RUNX1T1: variants seen among roughly 807,000 people sequenced by gnomAD.
RUNX1T1 encodes protein CBFA2T1.
In RUNX1T1, 4 loss-of-function variants were observed where a neutral mutation model predicts 62.8. That is an observed-to-expected ratio of 0.06 (90% CI 0.03 to 0.15). RUNX1T1 has a LOEUF of 0.15. Among genes scored for constraint, RUNX1T1 ranks in the 10% least tolerant of loss-of-function variants. The pLI is 1.00. For synonymous variants in RUNX1T1, 291 were observed against 286.0 expected, an observed-to-expected ratio of 1.02 and a Z score of -0.18; for missense variants, 508 against 754.3, an observed-to-expected ratio of 0.67 and a Z score of 3.82.
chr8:92,052,218 T>G (rs1830351034), intron 1 of RUNX1T1, among the ~76,000 whole-genome samples: 1 of 152,218 alleles, frequency 6.6e-6, no homozygotes, highest in Non-Finnish European at 1.5e-5. Context: ...AGAAAATCTT[T>G]GTATATCCAA....
At chr8:92,035,085 A>G (rs1332663170) in intron 1 of RUNX1T1, among the ~76,000 whole-genome samples, 4 of 152,010 alleles carry the variant, frequency 2.6e-5, no homozygotes, top group Admixed American at 2.6e-4. Context: ...ACCTGAGGTC[A>G]GGAGTTCGAG....
chr8:91,959,486 GTGTATATATA>G (rs1809995673), exon 11 of RUNX1T1: 93 of 142,834 alleles, frequency 6.5e-4, no homozygotes, highest in South Asian at 8.9e-4. Flanking sequence ...GTGTGTGTGT[GTGTATATATA>G]TATATATATA....
chr8:92,035,844 A>G (rs1827313925), intron 1 of RUNX1T1, among the ~76,000 whole-genome samples: 1 of 152,170 alleles, frequency 6.6e-6, no homozygotes, highest in Admixed American at 6.5e-5. Context: ...ACAATGTAAA[A>G]GCAAGCATAC....
intron 5 of RUNX1T1, among the ~76,000 whole-genome samples, chr8:92,002,230 A>G (rs979834036): frequency 6.6e-6 from 1 of 152,296 alleles, no homozygotes. Flanking sequence ...TGGGTTCTAC[A>G]ATATTCTCTC....
chr8:91,990,823 A>G (rs1353247232), intron 6 of RUNX1T1, among the ~76,000 whole-genome samples: 1 of 151,918 alleles, frequency 6.6e-6, no homozygotes, highest in Non-Finnish European at 1.5e-5. Context: ...ATGCCCGGCT[A>G]ATTTTTGTAC....
intron 8 of RUNX1T1, among the ~76,000 whole-genome samples, chr8:91,977,759 A>G (rs1163075324): frequency 6.6e-6 from 1 of 152,164 alleles, no homozygotes; most frequent in Non-Finnish European, 1.5e-5. Context: ...TTGTGTTAAG[A>G]AGAGACCTGT....
intron 1 of RUNX1T1, among the ~76,000 whole-genome samples, chr8:92,046,781 A>G (rs1829477527): frequency 6.6e-6 from 1 of 152,212 alleles, no homozygotes; most frequent in African/African-American, 2.4e-5. Context: ...CAAAACCAAG[A>G]AAGACTTAAC....
intron 10 of RUNX1T1, among the ~76,000 whole-genome samples, chr8:91,965,155 C>T (rs1215058606): frequency 6.6e-6 from 1 of 152,032 alleles, no homozygotes; most frequent in Non-Finnish European, 1.5e-5. Flanking sequence ...GCTGATGGTC[C>T]CATTCAAATT....
intron 1 of RUNX1T1, among the ~76,000 whole-genome samples, chr8:92,042,995 G>A (rs997610330): frequency 2.0e-5 from 3 of 152,034 alleles, no homozygotes; most frequent in African/African-American, 7.2e-5. Flanking sequence ...CCTTTCTCCT[G>A]TGTCCCTAAT....
intron 1 of RUNX1T1, among the ~76,000 whole-genome samples, chr8:92,054,470 T>A (rs957953434): frequency 6.6e-6 from 1 of 152,138 alleles, no homozygotes; most frequent in African/African-American, 2.4e-5. Flanking sequence ...TTTATACAGG[T>A]ACACAGCATA....
intron 1 of RUNX1T1, chr8:92,099,509 A>T (rs961998802): frequency 8.9e-6 from 4 of 447,362 alleles, no homozygotes; most frequent in Non-Finnish European, 1.2e-5. Context: ...GGTGTCCATA[A>T]AACAAAGAAC....
At chr8:92,000,144 A>G (rs1469652252) in intron 5 of RUNX1T1, among the ~76,000 whole-genome samples, 2 of 152,120 alleles carry the variant, frequency 1.3e-5, no homozygotes, top group East Asian at 3.9e-4. Context: ...CGTCTCTGGT[A>G]AAAATACAAA....
At chr8:91,970,934 T>G (rs915653033) in intron 9 of RUNX1T1, 86 bp from the exon 11 acceptor site, 5 of 1,186,152 alleles carry the variant, frequency 4.2e-6, no homozygotes, top group Non-Finnish European at 4.5e-6. Flanking sequence ...TCTTTTAATT[T>G]TTTTTTTCTT....
intron 1 of RUNX1T1, among the ~76,000 whole-genome samples, chr8:92,046,662 C>T (rs1829459901): frequency 1.3e-5 from 2 of 152,170 alleles, no homozygotes; most frequent in East Asian, 3.9e-4. Flanking sequence ...CAGTGCCTGG[C>T]CAAGATTTTT....
chr8:91,978,440 G>T (rs1015337489), intron 8 of RUNX1T1, among the ~76,000 whole-genome samples: 1 of 151,974 alleles, frequency 6.6e-6, no homozygotes, highest in African/African-American at 2.4e-5. Flanking sequence ...CTTACTATGT[G>T]GTCTAGTAAG....
intron 4 of RUNX1T1, chr8:92,009,598 C>CTTCTTCT (rs1554618553): frequency 7.0e-6 from 1 of 143,074 alleles, no homozygotes; most frequent in African/African-American, 2.6e-5. Flanking sequence ...TCTTCTTCTT[C>CTTCTTCT]TTTTTTTTTT....
At chr8:91,973,122 A>C (rs921401366) in intron 9 of RUNX1T1, among the ~76,000 whole-genome samples, 1 of 151,926 alleles carries the variant, frequency 6.6e-6, no homozygotes, top group Non-Finnish European at 1.5e-5. Flanking sequence ...ATCAGTGATA[A>C]AGTCTTGATT....
chr8:92,011,169 A>G (rs1251662963), intron 3 of RUNX1T1, 78 bp from the exon 5 acceptor site: 5 of 783,782 alleles, frequency 6.4e-6, no homozygotes, highest in Non-Finnish European at 1.1e-5. Context: ...AATTATTAAG[A>G]CTGGTACAAC....
At chr8:91,979,029 T>C (rs1474411275) in intron 8 of RUNX1T1, among the ~76,000 whole-genome samples, 5 of 152,234 alleles carry the variant, frequency 3.3e-5, no homozygotes, top group South Asian at 4.1e-4. Flanking sequence ...GAAATAATTA[T>C]ATAAACGTGT....
Sources: allele counts gnomAD v4.1 joint callset (sites outside exome capture counted in the v4.1 genomes callset), GRCh38; gene constraint gnomAD v4.1.1; transcripts MANE v1.5; gene names NCBI Gene and HGNC (gene_info 2026-07-23, HGNC 2026-07-21).